The following MB21D2 variants were observed in gnomAD, a reference collection of about 807,000 sequenced individuals.
MB21D2 encodes nucleotidyltransferase MB21D2.
Under a neutral mutation model 33.3 loss-of-function variants are expected in MB21D2, and 9 were observed. The observed-to-expected ratio is 0.27, with a 90% CI of 0.16 to 0.47. The LOEUF (loss-of-function observed/expected upper bound fraction) is 0.47. Among genes scored for constraint, MB21D2 ranks in the 20% least tolerant of loss-of-function variants. The probability of loss-of-function intolerance (pLI) is 0.99; values close to 1 mark genes in which losing one functional copy is unlikely to be tolerated. For synonymous variants in MB21D2, 241 were observed against 236.3 expected (o/e 1.02, Z -0.18); for missense variants, 540 against 624.6 (o/e 0.86, Z 1.44).
intron 1 of MB21D2, among the ~76,000 whole-genome samples, chr3:192,821,884 A>T (rs2108616633): frequency 6.6e-6 from 1 of 152,080 alleles, no homozygotes; most frequent in Admixed American, 6.5e-5. Context: ...TCAATTTCAA[A>T]ACTGTGCTCA....
At chr3:192,800,109 T>C (rs998441849) in intron 1 of MB21D2, among the ~76,000 whole-genome samples, 1 of 152,188 alleles carries the variant, frequency 6.6e-6, no homozygotes, top group African/African-American at 2.4e-5. Flanking sequence ...CTTTTTTATC[T>C]ATTGCCTAAG....
intron 1 of MB21D2, among the ~76,000 whole-genome samples, chr3:192,908,265 T>C (rs893217311): frequency 2.6e-5 from 4 of 152,166 alleles, no homozygotes; most frequent in African/African-American, 4.8e-5. Flanking sequence ...AGTGAGCACC[T>C]ACTATGTGCA....
chr3:192,909,961 AAAGAAAG>A (rs1560258470), intron 1 of MB21D2, among the ~76,000 whole-genome samples: 5 of 133,194 alleles, frequency 3.8e-5, no homozygotes, highest in Admixed American at 7.4e-5. Flanking sequence ...AAAAAAAAAA[AAAGAAAG>A]AGAGAGAGAG....
intron 1 of MB21D2, among the ~76,000 whole-genome samples, chr3:192,830,378 C>T (rs1384279734): frequency 6.6e-6 from 1 of 152,012 alleles, no homozygotes; most frequent in African/African-American, 2.4e-5. Flanking sequence ...AGGTTCCATT[C>T]CGCACCCCCA....
intron 1 of MB21D2, among the ~76,000 whole-genome samples, chr3:192,885,466 T>C (rs573781000): frequency 5.9e-5 from 9 of 152,174 alleles, no homozygotes; most frequent in African/African-American, 1.7e-4. Flanking sequence ...AGGATTATTA[T>C]AATGAGAACT....
chr3:192,913,390 C>T (rs905852801), intron 1 of MB21D2, among the ~76,000 whole-genome samples: 5 of 151,980 alleles, frequency 3.3e-5, no homozygotes, highest in African/African-American at 7.3e-5. Context: ...AGAGCGAGAC[C>T]CTGTCTCAAA....
At chr3:192,866,030 AGAGGAAGATC>A (rs1713160033) in intron 1 of MB21D2, among the ~76,000 whole-genome samples, 2 of 151,980 alleles carry the variant, frequency 1.3e-5, no homozygotes, top group Non-Finnish European at 2.9e-5. Flanking sequence ...CCTGGGCAGC[AGAGGAAGATC>A]CTGTCTAAAA....
intron 1 of MB21D2, among the ~76,000 whole-genome samples, chr3:192,884,421 C>T (rs1213158183): frequency 6.6e-6 from 1 of 151,878 alleles, no homozygotes; most frequent in African/African-American, 2.4e-5. Context: ...GGCTGGAGTG[C>T]AGTGGCGCGA....
chr3:192,854,018 G>A (rs62293207), intron 1 of MB21D2, among the ~76,000 whole-genome samples: 14,799 of 152,104 alleles, frequency 0.097, 1,319 homozygotes, highest in African/African-American at 0.24. Context: ...CTATTCCTTG[G>A]GACATAACAA....
intron 1 of MB21D2, among the ~76,000 whole-genome samples, chr3:192,822,083 C>T (rs1226221232): frequency 2.0e-5 from 3 of 151,842 alleles, no homozygotes; most frequent in Non-Finnish European, 4.4e-5. Flanking sequence ...CAAGTGTATA[C>T]CTATCGCATT....
intron 1 of MB21D2, among the ~76,000 whole-genome samples, chr3:192,841,890 T>TA (rs1405954222): frequency 6.6e-6 from 1 of 152,100 alleles, no homozygotes; most frequent in Admixed American, 6.5e-5. Context: ...TAAGAAGTGG[T>TA]AGAGTGTAAT....
At chr3:192,874,394 C>T (rs6785276) in intron 1 of MB21D2, among the ~76,000 whole-genome samples, 93,080 of 152,100 alleles carry the variant, frequency 0.61, 30,375 homozygotes, top group African/African-American at 0.84. Context: ...GGATACATTA[C>T]AAAACCTAAG....
chr3:192,878,780 G>A (rs73064226), intron 1 of MB21D2, among the ~76,000 whole-genome samples: 18,729 of 152,116 alleles, frequency 0.12, 2,467 homozygotes, highest in African/African-American at 0.34. Context: ...CCTGGCCAAC[G>A]TCGTGAAACC....
intron 1 of MB21D2, among the ~76,000 whole-genome samples, chr3:192,801,948 G>A (rs1011991396): frequency 7.2e-5 from 11 of 152,036 alleles, no homozygotes; most frequent in Non-Finnish European, 1.2e-4. Context: ...TTTTAAAACC[G>A]TAAGTTAGCC....
chr3:192,895,653 C>G, intron 1 of MB21D2, among the ~76,000 whole-genome samples: 1 of 152,188 alleles, frequency 6.6e-6, no homozygotes, highest in South Asian at 2.1e-4. Context: ...GAAAATCTAG[C>G]TTTTGTTTAT....
At chr3:192,807,428 C>T (rs1473468249) in intron 1 of MB21D2, among the ~76,000 whole-genome samples, 1 of 151,986 alleles carries the variant, frequency 6.6e-6, no homozygotes, top group Non-Finnish European at 1.5e-5. Flanking sequence ...CATTAATGCT[C>T]TCCTGATCTT....
chr3:192,898,904 A>T (rs1280286295), intron 1 of MB21D2, among the ~76,000 whole-genome samples: 1 of 152,162 alleles, frequency 6.6e-6, no homozygotes, highest in Non-Finnish European at 1.5e-5. Flanking sequence ...GATGAGAGAG[A>T]TGGGGCTTTC....
rs1720548212 is a variant in MB21D2 at position 192,797,553 on chromosome 3, T to C, written c.*833A>G. The stretch of plus-strand genomic sequence containing the variant: ...AGAAATGGGCAAAATGAAAAAATGA[T>C]AGAATTTCGAGAGTGGTTGTTAATT... On this transcript the variant is annotated 3_prime_UTR_variant, in exon 2 of 2. Coordinates refer to ENST00000392452, the MANE Select transcript of MB21D2 (RefSeq NM_178496.4). The C allele has an allele frequency of 2.0e-5, 3 of 152,600 alleles. No homozygotes were observed. Among genetic ancestry groups the C allele is most frequent in the Admixed American group, 6.5e-5 (1 of 15,274 alleles). 9.5% of individuals were successfully genotyped at this position (152,600 alleles called of 1,614,324 possible).
intron 1 of MB21D2, among the ~76,000 whole-genome samples, chr3:192,844,738 C>G (rs546868877): frequency 1.9e-4 from 29 of 152,340 alleles, no homozygotes; most frequent in African/African-American, 6.7e-4. Flanking sequence ...TCCCATCAAC[C>G]TGACCCCTTC....
Sources: allele counts gnomAD v4.1 joint callset (sites outside exome capture counted in the v4.1 genomes callset), GRCh38; gene constraint gnomAD v4.1.1; transcripts MANE v1.5; gene names NCBI Gene and HGNC (gene_info 2026-07-23, HGNC 2026-07-21).